The following RAF1 variants were observed in gnomAD, a reference collection of about 807,000 sequenced individuals.
The protein encoded by RAF1 is Raf-1 proto-oncogene, serine/threonine kinase.
A neutral mutation model predicts 81.1 loss-of-function variants in RAF1; 27 were observed. The ratio of observed to expected loss-of-function variants is 0.33; its 90% CI spans 0.25 to 0.46. The LOEUF is 0.46. Among genes scored for constraint, RAF1 ranks in the 20% least tolerant of loss-of-function variants. The pLI is 1.00. For missense variants in RAF1, 598 were observed against 826.0 expected (o/e 0.72, Z 3.38); for synonymous variants, 298 against 294.0 (o/e 1.01, Z -0.14).
chr3:12,663,530 A>C (rs957146537), intron 1 of RAF1, among the ~76,000 whole-genome samples: 3 of 152,218 alleles, frequency 2.0e-5, no homozygotes, highest in Non-Finnish European at 4.4e-5. Context: ...CCCACTGCCA[A>C]ATATGAGGAA....
chr3:12,614,411 TGC>T (rs1207656099), intron 2 of RAF1, among the ~76,000 whole-genome samples: 2 of 100,368 alleles, frequency 2.0e-5, no homozygotes, highest in South Asian at 6.7e-4. Flanking sequence ...TCTACGTGCG[TGC>T]GTGTGTGTGT....
At chr3:12,599,879 G>A (rs976739804) in intron 10 of RAF1, 71 bp from the exon 10 acceptor site, 7 of 1,259,280 alleles carry the variant, frequency 5.6e-6, no homozygotes, top group African/African-American at 1.5e-5. Flanking sequence ...GGGCATCAAA[G>A]GATCAACCCA....
chr3:12,598,725 CAAAAAAAAAAAAAAA>C (rs59472802), intron 11 of RAF1, among the ~76,000 whole-genome samples: 3 of 61,994 alleles, frequency 4.8e-5, no homozygotes, highest in East Asian at 1.3e-3. Context: ...GAATCTATCT[CAAAAAAAAAAAAAAA>C]AAAAAAAAAA....
rs958301502 is a variant in RAF1 at position 12,584,440 on chromosome 3, G to A, written c.*74C>T. ...TGAAAACATGTGTTCTGCCTCTGGA[G>A]AAAGGGAGCAGAAAAGTGGTGCCTG... is the stretch of plus-strand genomic sequence containing the variant. On this transcript the variant is annotated 3_prime_UTR_variant, in exon 18 of 18. Transcript: ENST00000442415. 93 of 1,584,032 alleles carry A rather than the reference G, an allele frequency of 5.9e-5. No individual in the cohort carries two copies. The highest frequency in any genetic ancestry group is 3.7e-4 in the Middle Eastern group (2 of 5,452).
In RAF1 at chr3:12,585,933, G is replaced by C; in HGVS notation, c.1478-134C>G. 3 of 737,486 alleles carry C rather than the reference G, an allele frequency of 4.1e-6. No individual in the cohort carries two copies. The South Asian group carries it at 4.4e-5, about 11-fold the overall frequency. The allele number at this position is 737,486 out of a possible 1,614,324, so 45.7% of individuals were successfully genotyped here. ...AGCCTCTCTGCACTGAACTTCCTAA[G>C]GTTTCTGAAGTTCTTTAAAGTGCTT... On this transcript the variant is annotated intron_variant, in intron 14 of 17. Coordinates refer to ENST00000442415, the MANE Select transcript of RAF1 (RefSeq NM_001354689.3).
intron 1 of RAF1, among the ~76,000 whole-genome samples, chr3:12,625,726 T>C (rs891917249): frequency 6.6e-6 from 1 of 152,112 alleles, no homozygotes; most frequent in Non-Finnish European, 1.5e-5. Flanking sequence ...CTTAAGAGGC[T>C]ACTCAGGATT....
At chr3:12,658,907 C>T (rs1304883225) in intron 1 of RAF1, among the ~76,000 whole-genome samples, 1 of 152,180 alleles carries the variant, frequency 6.6e-6, no homozygotes. Context: ...AGAAACAACA[C>T]CCACTTGACA....
chr3:12,612,681 G>A (rs1050560734), intron 2 of RAF1, among the ~76,000 whole-genome samples: 2 of 150,006 alleles, frequency 1.3e-5, no homozygotes, highest in African/African-American at 4.9e-5. Context: ...GAAGAAATCT[G>A]TATATGTTAT....
chr3:12,631,177 G>A (rs930842312), intron 1 of RAF1, among the ~76,000 whole-genome samples: 10 of 152,186 alleles, frequency 6.6e-5, no homozygotes, highest in Admixed American at 3.9e-4. Context: ...CTGGCCAGGC[G>A]TGGTGGCTCA....
At chr3:12,609,128 C>T (rs2059130089) in intron 4 of RAF1, 105 bp downstream of exon 4, 1 of 1,084,308 alleles carries the variant, frequency 9.2e-7, no homozygotes, top group South Asian at 1.3e-5. Context: ...GAACTTTAAA[C>T]AATCCAACTA....
At chr3:12,618,824 A>G in intron 1 of RAF1, 77 bp from the exon 2 acceptor site, 1 of 1,173,734 alleles carries the variant, frequency 8.5e-7, no homozygotes, top group Non-Finnish European at 1.2e-6. Flanking sequence ...AAGAGTAATT[A>G]TGAAAATAGC....
rs1209130734 is a variant in RAF1, at chr3:12,650,656, G to A, written c.-27+13157C>T. On this transcript the variant is annotated intron_variant, in intron 1 of 17. Coordinates refer to ENST00000442415, the MANE Select transcript of RAF1 (RefSeq NM_001354689.3). ...TCTACTTTCAACTGTTAGCTGCTTT[G>A]AGGAATATAAAGTTCAGGGAGACAT... is the stretch of plus-strand genomic sequence containing the variant. Among the ~76,000 whole-genome samples, 3 of 152,186 alleles carry A rather than the reference G, an allele frequency of 2.0e-5. No individual in the cohort carries two copies. In the East Asian group the frequency reaches 5.8e-4, roughly 29 times the overall value.
rs2125398690 is a variant in RAF1 at position 12,604,277 on chromosome 3, T to C, written c.693A>G (p.Arg231=). 1 of 1,614,066 alleles carries C rather than the reference T, an allele frequency of 6.2e-7. No individual in the cohort carries two copies. Among genetic ancestry groups the C allele is most frequent in the Non-Finnish European group, 8.5e-7 (1 of 1,179,990 alleles). Residue 231 remains arginine, a synonymous_variant, in exon 7 of 18, where the codon AGA becomes AGG. Coordinates refer to ENST00000442415, the MANE Select transcript of RAF1 (RefSeq NM_001354689.3). Reference sequence around the variant, plus strand: ...AGGTGAAGGCGTGAGGTGTAGAATATCTGTGCTGAGAACTAGGAGGAGAAA... The same window carrying C: ...AGGTGAAGGCGTGAGGTGTAGAATACCTGTGCTGAGAACTAGGAGGAGAAA...
At chr3:12,661,492 C>T (rs1485249668) in intron 1 of RAF1, among the ~76,000 whole-genome samples, 4 of 151,882 alleles carry the variant, frequency 2.6e-5, no homozygotes, top group South Asian at 4.2e-4. Flanking sequence ...AGATCTCTTG[C>T]GGTCAGGAGT....
chr3:12,649,342 A>G (rs1372962715), intron 1 of RAF1, among the ~76,000 whole-genome samples: 1 of 152,184 alleles, frequency 6.6e-6, no homozygotes, highest in Non-Finnish European at 1.5e-5. Flanking sequence ...TCATGCCTGT[A>G]ATCTCAGTAA....
intron 1 of RAF1, among the ~76,000 whole-genome samples, chr3:12,661,717 C>G (rs1277997601): frequency 6.6e-6 from 1 of 151,782 alleles, no homozygotes; most frequent in African/African-American, 2.4e-5. Context: ...AAATAAAAAA[C>G]AATAGAATAA....
At chr3:12,613,987 GA>G (rs2059296231) in intron 2 of RAF1, among the ~76,000 whole-genome samples, 1 of 152,056 alleles carries the variant, frequency 6.6e-6, no homozygotes, top group Non-Finnish European at 1.5e-5. Context: ...TTCTCCAAAC[GA>G]AAAAAGTTCC....
At chr3:12,636,819 A>C (rs1282978050) in intron 1 of RAF1, among the ~76,000 whole-genome samples, 1 of 152,124 alleles carries the variant, frequency 6.6e-6, no homozygotes, top group African/African-American at 2.4e-5. Flanking sequence ...AAAAAAAAGA[A>C]AGAAAGAAAA....
chr3:12,591,937 T>C (rs907390233), intron 11 of RAF1, 145 bp from the exon 11 acceptor site: 1 of 726,264 alleles, frequency 1.4e-6, no homozygotes, highest in African/African-American at 1.7e-5. Context: ...TTTTTTTTTT[T>C]TTTTGAGACA....
Sources: allele counts gnomAD v4.1 joint callset (sites outside exome capture counted in the v4.1 genomes callset), GRCh38; gene constraint gnomAD v4.1.1; transcripts MANE v1.5; gene names NCBI Gene and HGNC (gene_info 2026-07-23, HGNC 2026-07-21).